The following STX7 variants were observed in gnomAD, a reference collection of about 807,000 sequenced individuals.
The protein encoded by STX7 is syntaxin 7, also known as syntaxin-7.
STX7 carries 34 observed loss-of-function variants against 39.6 expected under a neutral mutation model. The ratio of observed to expected loss-of-function variants is 0.86; its 90% confidence interval spans 0.65 to 1.14. The LOEUF is 1.14. STX7 is among the 50% of genes most tolerant of loss of function. The pLI, the probability that STX7 is intolerant of heterozygous loss-of-function variation, is 0.00. For missense variants in STX7, 284 were observed against 310.4 expected, an observed-to-expected ratio of 0.92 and a Z score of 0.64; for synonymous variants, 119 against 99.1, an observed-to-expected ratio of 1.20 and a Z score of -1.19.
intron 2 of STX7, among the ~76,000 whole-genome samples, chr6:132,482,204 TATTCATTC>T (rs1775030171): frequency 6.6e-6 from 1 of 152,196 alleles, no homozygotes; most frequent in Non-Finnish European, 1.5e-5. Context: ...GCCCATTTAT[TATTCATTC>T]ATTGATTCAC....
At chr6:132,511,929 TATG>T (rs1290692465) in intron 1 of STX7, among the ~76,000 whole-genome samples, 5 of 152,298 alleles carry the variant, frequency 3.3e-5, no homozygotes, top group African/African-American at 1.2e-4. Flanking sequence ...GAGGAAAAAT[TATG>T]ATGTTAATCA....
At chr6:132,485,036 C>A (rs1775098071) in intron 2 of STX7, among the ~76,000 whole-genome samples, 2 of 152,156 alleles carry the variant, frequency 1.3e-5, no homozygotes, top group African/African-American at 4.8e-5. Context: ...TATTGAGGTA[C>A]AACTGACAAA....
chr6:132,470,743 G>A, intron 5 of STX7, 117 bp from the exon 6 acceptor site: 1 of 613,468 alleles, frequency 1.6e-6, no homozygotes, highest in Non-Finnish European at 2.9e-6. Flanking sequence ...ACGTGTCTGT[G>A]TGTATGTGTG....
At position 132,455,742 on chromosome 6, in the gene STX7, G is replaced by GA. The variant is rs1774227569; in HGVS notation, c.*5015dup. The stretch of plus-strand genomic sequence containing the variant: ...GCATTTAAAATTAGGATTATTTGGA[G>GA]AAAAATATTACATAATATTCATGTT... On this transcript the variant is annotated 3_prime_UTR_variant, in exon 10 of 10. Coordinates refer to ENST00000367941, the MANE Select transcript of STX7 (RefSeq NM_003569.3). 6.6e-6 allele frequency: 1 copy of GA among 152,022 alleles called. No individual in the cohort carries two copies. The highest frequency in any genetic ancestry group is 6.5e-5 in the Admixed American group (1 of 15,270). 9.4% of individuals were successfully genotyped at this position (152,022 alleles called of 1,614,324 possible).
intron 2 of STX7, among the ~76,000 whole-genome samples, chr6:132,485,195 C>T (rs4053108): frequency 0.27 from 40,942 of 152,072 alleles, 6,305 homozygotes; most frequent in East Asian, 0.65. Context: ...TGTTCCTTCC[C>T]CCCTCCATCA....
intron 2 of STX7, among the ~76,000 whole-genome samples, chr6:132,499,565 G>C (rs1775499730): frequency 6.6e-6 from 1 of 152,128 alleles, no homozygotes; most frequent in Admixed American, 6.5e-5. Context: ...GCAGCATTAG[G>C]GAGAGATAAT....
chr6:132,464,746 T>C (rs2114358301), intron 8 of STX7, among the ~76,000 whole-genome samples: 1 of 152,300 alleles, frequency 6.6e-6, no homozygotes, highest in South Asian at 2.1e-4. Context: ...ACAATGTTTA[T>C]TTAAGGTAAA....
intron 2 of STX7, among the ~76,000 whole-genome samples, chr6:132,482,247 G>T (rs1775031113): frequency 6.6e-6 from 1 of 152,160 alleles, no homozygotes; most frequent in African/African-American, 2.4e-5. Context: ...CTGGGCATCT[G>T]CTACGTACCA....
intron 1 of STX7, among the ~76,000 whole-genome samples, chr6:132,509,730 A>C: frequency 6.6e-6 from 1 of 152,150 alleles, no homozygotes; most frequent in Non-Finnish European, 1.5e-5. Flanking sequence ...TTTGATAATG[A>C]GACACACAAA....
In STX7 at chr6:132,472,733, C is replaced by T. The variant is rs574728796; in HGVS notation, c.156-358G>A. ...GTGGAAGCCCTTTATCTGCATCTCACACCTGGAAGGTCAGGTAAGCAAGAA... is the reference window on the plus strand; with the variant it reads ...GTGGAAGCCCTTTATCTGCATCTCATACCTGGAAGGTCAGGTAAGCAAGAA... On this transcript the variant is annotated intron_variant, in intron 3 of 9. Coordinates refer to ENST00000367941, the MANE Select transcript of STX7 (RefSeq NM_003569.3). 2.6e-4 allele frequency among the ~76,000 whole-genome samples: 39 copies of T among 152,326 alleles called. No individual in the cohort carries two copies. The South Asian group carries it at 6.8e-3, about 27-fold the overall frequency.
intron 2 of STX7, among the ~76,000 whole-genome samples, chr6:132,498,742 G>A (rs535964941): frequency 6.6e-6 from 1 of 152,284 alleles, no homozygotes; most frequent in East Asian, 1.9e-4. Context: ...AAAGTGAACT[G>A]AAATTTCACA....
At chr6:132,492,297 G>A (rs191792459) in intron 2 of STX7, among the ~76,000 whole-genome samples, 192 of 152,160 alleles carry the variant, frequency 1.3e-3, no homozygotes, top group African/African-American at 4.5e-3. Flanking sequence ...CCAACTCCCC[G>A]TGCACCCTAT....
chr6:132,493,734 A>C (rs1160191145), intron 2 of STX7, among the ~76,000 whole-genome samples: 1 of 152,228 alleles, frequency 6.6e-6, no homozygotes, highest in Admixed American at 6.5e-5. Flanking sequence ...TAATTGGTGA[A>C]AACAACAAAA....
At chr6:132,470,086 G>A in intron 6 of STX7, 39 bp from the exon 7 acceptor site, 1 of 1,465,124 alleles carries the variant, frequency 6.8e-7, no homozygotes, top group Non-Finnish European at 9.2e-7. Context: ...AACAAAGATT[G>A]GTATTCAAAA....
At chr6:132,473,517 G>GTTTT (rs752590497) in intron 3 of STX7, among the ~76,000 whole-genome samples, 15 of 125,774 alleles carry the variant, frequency 1.2e-4, no homozygotes, top group East Asian at 4.6e-4. Context: ...TTATTATTGT[G>GTTTT]TTGTTTTTTT....
intron 1 of STX7, among the ~76,000 whole-genome samples, chr6:132,512,649 T>A (rs959927971): frequency 6.6e-6 from 1 of 152,206 alleles, no homozygotes; most frequent in Non-Finnish European, 1.5e-5. Context: ...ATTCCTGAGC[T>A]GGGCCCCAGC....
At chr6:132,474,962 T>C (rs960743413) in intron 3 of STX7, among the ~76,000 whole-genome samples, 1 of 152,044 alleles carries the variant, frequency 6.6e-6, no homozygotes, top group Non-Finnish European at 1.5e-5. Context: ...CTAAACCAAA[T>C]AAAACTCTGG....
At chr6:132,463,693 T>C (rs1308589502) in intron 9 of STX7, among the ~76,000 whole-genome samples, 3 of 152,128 alleles carry the variant, frequency 2.0e-5, no homozygotes, top group Non-Finnish European at 4.4e-5. Flanking sequence ...TGGGTAGAAA[T>C]GTCACAATGA....
At position 132,496,916 on chromosome 6, in the gene STX7, T is replaced by C. The variant is rs534552698; in HGVS notation, c.85+6530A>G. On this transcript the variant is annotated intron_variant, in intron 2 of 9. Transcript: ENST00000367941. ...TGCAAAGTAAATCATGAGAAACCTA[T>C]GACTAAAATGAATAAAAAGCTGTAA... Among the ~76,000 whole-genome samples the C allele has an allele frequency of 1.1e-4, 17 of 152,278 alleles. No individual in the cohort carries two copies. In the South Asian group the frequency reaches 3.3e-3, roughly 30 times the overall value.
Sources: gnomAD v4.1 joint callset for allele counts (sites outside exome capture counted in the v4.1 genomes callset) on GRCh38, gnomAD v4.1.1 for gene constraint, MANE v1.5 for transcripts, NCBI Gene and HGNC (gene_info 2026-07-23, HGNC 2026-07-21) for gene names.